The following PTPRM variants were observed in gnomAD, a reference collection of about 807,000 sequenced individuals.
PTPRM encodes receptor-type tyrosine-protein phosphatase mu.
A neutral mutation model predicts 186.7 loss-of-function variants in PTPRM; 47 were observed. The observed-to-expected ratio is 0.25, with a 90% CI of 0.20 to 0.32. The LOEUF (loss-of-function observed/expected upper bound fraction) is 0.32, where lower values mean the gene tolerates loss of function less well. Among genes scored for constraint, PTPRM ranks in the 10% least tolerant of loss-of-function variants. The pLI is 1.00. For missense variants in PTPRM, 1,494 were observed against 1,865.0 expected (o/e 0.80, Z 3.66); for synonymous variants, 668 against 674.9 (o/e 0.99, Z 0.16).
rs558203795 is a variant in PTPRM at position 8,159,880 on chromosome 18, A to T, written c.2300+16101A>T. 2.0e-5 allele frequency among the ~76,000 whole-genome samples: 3 copies of T among 152,196 alleles called. No homozygotes were observed. In the East Asian group the frequency reaches 5.8e-4, roughly 29 times the overall value. On this transcript the variant is annotated intron_variant, in intron 14 of 32. Transcript: ENST00000580170. ...GCTTTTTAAAAAAAAAATTTCAGGG[A>T]TGTAAGTTTCATAATATTATAAGAT...
At chr18:7,710,128 A>C (rs1382231840) in intron 1 of PTPRM, among the ~76,000 whole-genome samples, 2 of 152,332 alleles carry the variant, frequency 1.3e-5, no homozygotes, top group Non-Finnish European at 2.9e-5. Flanking sequence ...CCTGATGAAC[A>C]CAGATGCAAA....
At chr18:7,864,276 A>AT (rs1167182149) in intron 2 of PTPRM, among the ~76,000 whole-genome samples, 1 of 152,122 alleles carries the variant, frequency 6.6e-6, no homozygotes, top group Non-Finnish European at 1.5e-5. Flanking sequence ...TTGCCCATGC[A>AT]TATGTCCTGA....
chr18:7,647,505 A>G lies in PTPRM; in HGVS notation c.73+79614A>G, dbSNP rs1256251441. The stretch of plus-strand genomic sequence containing the variant: ...TATTTCATGGGCAGTGAGAGGGAAT[A>G]TATGAAGATACAGTTTCCTACAAGA... On this transcript the variant is annotated intron_variant, in intron 1 of 32. Coordinates refer to ENST00000580170, the MANE Select transcript of PTPRM (RefSeq NM_001105244.2). Among the ~76,000 whole-genome samples, 3 of 152,226 alleles carry G rather than the reference A, an allele frequency of 2.0e-5. No homozygotes were observed. The East Asian group carries it at 5.8e-4, about 29-fold the overall frequency.
At chr18:7,715,724 G>A (rs527673960) in intron 1 of PTPRM, among the ~76,000 whole-genome samples, 14 of 152,288 alleles carry the variant, frequency 9.2e-5, no homozygotes, top group Admixed American at 5.9e-4. Context: ...TAGACCAACA[G>A]AGAGGCAAAC....
rs557512559 is a variant in PTPRM at position 7,614,926 on chromosome 18, A to G, written c.73+47035A>G. On this transcript the variant is annotated intron_variant, in intron 1 of 32. Transcript: ENST00000580170. Reference sequence around the variant, plus strand: ...TTAAGAGAGATGATCAGTTTTTTGAACCGTTTTACTTTTTAGAGGGAGTTT... The same window carrying G: ...TTAAGAGAGATGATCAGTTTTTTGAGCCGTTTTACTTTTTAGAGGGAGTTT... Among the ~76,000 whole-genome samples, 57 of 152,218 alleles carry G rather than the reference A, an allele frequency of 3.7e-4. 2 individuals carry two copies. The South Asian group carries it at 0.012, about 31-fold the overall frequency.
At chr18:8,340,168 G>A (rs765629797) in intron 22 of PTPRM, among the ~76,000 whole-genome samples, 2 of 152,202 alleles carry the variant, frequency 1.3e-5, no homozygotes, top group South Asian at 2.1e-4. Flanking sequence ...GCTGCACAGC[G>A]CCCCGCGCCT....
rs148220369 is a variant in PTPRM at position 8,247,860 on chromosome 18, C to G, written c.2468C>G (p.Ser823Trp). The G allele has an allele frequency of 5.6e-5, 89 of 1,602,776 alleles. No homozygotes were observed. Among genetic ancestry groups the G allele is most frequent in the Admixed American group, 4.8e-4 (29 of 59,998 alleles). Residue 823 changes from serine (S) to tryptophan (W), a missense_variant, in exon 16 of 33, where the codon TCG (serine) becomes TGG (tryptophan). Physicochemically the swap from Ser to Trp is radical, Grantham distance 177. Coordinates refer to ENST00000580170, the MANE Select transcript of PTPRM (RefSeq NM_001105244.2). Reference sequence around the variant, plus strand: ...TTATTTACAGCTGTGTCTTCACCATCGTCCTTCACAATGAAAACAAATACA... The same window carrying G: ...TTATTTACAGCTGTGTCTTCACCATGGTCCTTCACAATGAAAACAAATACA... ...NLNGRSVSSP[S>W]SFTMKTNTLS...
intron 2 of PTPRM, among the ~76,000 whole-genome samples, chr18:7,775,209 C>T (rs2042522337): frequency 6.6e-6 from 1 of 152,176 alleles, no homozygotes; most frequent in Admixed American, 6.5e-5. Flanking sequence ...CCTGCCCTCT[C>T]CTTCCTACAT....
At chr18:8,248,398 T>C (rs977768627) in intron 17 of PTPRM, 2 of 614,596 alleles carry the variant, frequency 3.3e-6, no homozygotes, top group African/African-American at 3.7e-5. Context: ...TTGGGGATGA[T>C]ACCAACAGGT....
chr18:7,919,002 T>TC (rs1484959436), intron 4 of PTPRM, among the ~76,000 whole-genome samples: 7 of 152,228 alleles, frequency 4.6e-5, no homozygotes, highest in Admixed American at 3.9e-4. Context: ...GTTTCCTTTT[T>TC]CTGCATATTG....
chr18:8,017,186 A>T (rs1600090757), intron 7 of PTPRM, among the ~76,000 whole-genome samples: 1 of 152,144 alleles, frequency 6.6e-6, no homozygotes, highest in Non-Finnish European at 1.5e-5. Flanking sequence ...TACACAGTAT[A>T]TCACATTTTA....
intron 1 of PTPRM, among the ~76,000 whole-genome samples, chr18:7,678,179 A>C (rs1385196112): frequency 6.6e-6 from 1 of 152,086 alleles, no homozygotes; most frequent in African/African-American, 2.4e-5. Flanking sequence ...GGATAAAGGA[A>C]AACACCCCTC....
At chr18:7,586,829 C>T (rs1321411846) in intron 1 of PTPRM, among the ~76,000 whole-genome samples, 12 of 152,106 alleles carry the variant, frequency 7.9e-5, no homozygotes, top group Non-Finnish European at 2.9e-5. Flanking sequence ...ACAACTTGTA[C>T]AAACATCTTT....
At chr18:8,034,474 A>C (rs541806116) in intron 7 of PTPRM, among the ~76,000 whole-genome samples, 2 of 152,178 alleles carry the variant, frequency 1.3e-5, no homozygotes, top group African/African-American at 4.8e-5. Flanking sequence ...CTAAAAAAAA[A>C]GTTATCTGCT....
intron 14 of PTPRM, among the ~76,000 whole-genome samples, chr18:8,199,046 C>T: frequency 6.6e-6 from 1 of 152,044 alleles, no homozygotes; most frequent in Admixed American, 6.5e-5. Flanking sequence ...TCAGATCATG[C>T]CTGCTCCATC....
chr18:7,702,260 C>G (rs1159614617), intron 1 of PTPRM, among the ~76,000 whole-genome samples: 1 of 152,062 alleles, frequency 6.6e-6, no homozygotes, highest in African/African-American at 2.4e-5. Context: ...CTTGAGGAAT[C>G]GCCACACTGT....
chr18:7,658,218 G>A (rs1156479138), intron 1 of PTPRM, among the ~76,000 whole-genome samples: 1 of 151,388 alleles, frequency 6.6e-6, no homozygotes, highest in Non-Finnish European at 1.5e-5. Context: ...TGGGCTCTGG[G>A]GTGACTCAAT....
At chr18:8,336,003 CAGAG>C (rs1381785135) in intron 22 of PTPRM, among the ~76,000 whole-genome samples, 6 of 151,120 alleles carry the variant, frequency 4.0e-5, no homozygotes, top group Admixed American at 6.6e-5. Flanking sequence ...GCCTGGGTGA[CAGAG>C]AGAGACTCTG....
In PTPRM at chr18:8,203,641, T is replaced by C. The variant is rs7236550; in HGVS notation, c.2301-40417T>C. ...GGAAGAATTCCTTGTTCTTAGGTGA[T>C]ACATGCTAAAGTATTGGGGGAAATT... On this transcript the variant is annotated intron_variant, in intron 14 of 32. Transcript: ENST00000580170. Among the ~76,000 whole-genome samples the C allele has an allele frequency of 3.3e-3, 506 of 152,308 alleles. 1 individual carries two copies. Among genetic ancestry groups the C allele is most frequent in the African/African-American group, 0.012 (489 of 41,564 alleles).
Sources: gnomAD v4.1 joint callset for allele counts (sites outside exome capture counted in the v4.1 genomes callset) on GRCh38, gnomAD v4.1.1 for gene constraint, MANE v1.5 for transcripts, NCBI Gene and HGNC (gene_info 2026-07-23, HGNC 2026-07-21) for gene names.